ROS1: variants seen among roughly 807,000 people sequenced by gnomAD.
ROS1 encodes the protein ROS proto-oncogene 1, receptor tyrosine kinase.
In ROS1, 263 loss-of-function variants were observed where a neutral mutation model predicts 273.5. That is an observed-to-expected ratio of 0.96 (90% CI 0.87 to 1.06). ROS1 has a LOEUF of 1.06. Ranked by LOEUF, ROS1 falls within the 50% of genes least tolerant of loss-of-function variation. ROS1 has a pLI of 0.00. For missense variants in ROS1, 2,833 were observed against 2,751.1 expected, an observed-to-expected ratio of 1.03 and a Z score of -0.67; for synonymous variants, 1,008 against 954.1, an observed-to-expected ratio of 1.06 and a Z score of -1.04.
intron 6 of ROS1, among the ~76,000 whole-genome samples, chr6:117,403,624 C>T (rs772619262): frequency 2.6e-5 from 4 of 151,808 alleles, no homozygotes; most frequent in African/African-American, 9.7e-5. Flanking sequence ...GACCGTACTT[C>T]TGAATTGCTA....
intron 39 of ROS1, among the ~76,000 whole-genome samples, chr6:117,316,745 T>C (rs761256482): frequency 6.6e-6 from 1 of 152,094 alleles, no homozygotes. Flanking sequence ...TCCAAAAAGA[T>C]ATGTCAACTA....
intron 37 of ROS1, among the ~76,000 whole-genome samples, chr6:117,318,853 A>T (rs1776092022): frequency 6.6e-6 from 1 of 152,122 alleles, no homozygotes; most frequent in Non-Finnish European, 1.5e-5. Context: ...TTTGTCAGCC[A>T]TCTTGGAACA....
intron 41 of ROS1, 21 bp from the exon 42 acceptor site, chr6:117,308,949 G>C (rs1029381394): frequency 5.0e-6 from 8 of 1,607,116 alleles, no homozygotes; most frequent in Non-Finnish European, 6.8e-6. Context: ...TAGAGGGTTT[G>C]CTTTAATTAT....
chr6:117,310,046 T>C (rs1775417242), intron 41 of ROS1, 35 bp downstream of exon 41: 5 of 1,550,090 alleles, frequency 3.2e-6, no homozygotes, highest in Non-Finnish European at 2.7e-6. Context: ...GTTTGATGAT[T>C]CTGTCAGCAT....
At chr6:117,336,522 C>T (rs1439590143) in intron 32 of ROS1, among the ~76,000 whole-genome samples, 3 of 152,134 alleles carry the variant, frequency 2.0e-5, no homozygotes, top group Non-Finnish European at 4.4e-5. Context: ...TTTATGGCTG[C>T]ATAGTATGCC....
rs935049854 is a variant in ROS1 at position 117,414,842 on chromosome 6, G to C, written c.229-297C>G. Among the ~76,000 whole-genome samples, 3 of 152,200 alleles carry C rather than the reference G, an allele frequency of 2.0e-5. No homozygotes were observed. The South Asian group carries it at 6.2e-4, about 31-fold the overall frequency. On this transcript the variant is annotated intron_variant, in intron 3 of 43. Coordinates refer to ENST00000368507, the MANE Select transcript of ROS1 (RefSeq NM_001378902.1). ...GGTGGACCAAGTTAAGAGAGTGAAG[G>C]AGTATTTGCAAATGCCAAAGGTAAA...
chr6:117,361,567 C>A (rs1475327026), intron 22 of ROS1, among the ~76,000 whole-genome samples: 1 of 148,038 alleles, frequency 6.8e-6, no homozygotes, highest in African/African-American at 2.5e-5. Context: ...ATTATATATT[C>A]TATATAAATA....
chr6:117,345,458 C>T (rs1327676539), intron 27 of ROS1, among the ~76,000 whole-genome samples: 3 of 152,192 alleles, frequency 2.0e-5, no homozygotes. Flanking sequence ...CTTCATCTAG[C>T]ACTAGAATGT....
At position 117,389,460 on chromosome 6, in the gene ROS1, G is replaced by A. The variant is rs763487146; in HGVS notation, c.1676C>T (p.Ser559Leu). Residue 559 changes from serine (S) to leucine (L), a missense_variant, in exon 13 of 44, where the codon TCA becomes TTA. By Grantham distance (145) the Ser-to-Leu change is moderately radical (BLOSUM62 -2). Transcript: ENST00000368507. ...FGFGNLVIFGSSSQLHPLPGR... is the reference protein window; with the variant it reads ...FGFGNLVIFGLSSQLHPLPGR... ...TGGCAGAGGGTGCAGCTGGGAGGAT[G>A]AGCCAAAGATGACCAAGTTACCAAA... 13 of 1,614,068 alleles carry A rather than the reference G, an allele frequency of 8.1e-6. No homozygotes were observed. Among genetic ancestry groups the A allele is most frequent in the Non-Finnish European group, 1.1e-5 (13 of 1,180,052 alleles).
intron 29 of ROS1, among the ~76,000 whole-genome samples, chr6:117,341,874 G>T (rs897840612): frequency 3.9e-5 from 6 of 152,126 alleles, no homozygotes; most frequent in South Asian, 2.1e-4. Flanking sequence ...GGCCAACGGG[G>T]AATAACCCAA....
chr6:117,310,320 A>G, intron 40 of ROS1, 39 bp from the exon 41 acceptor site: 1 of 1,413,898 alleles, frequency 7.1e-7, no homozygotes. Flanking sequence ...TAATAATAAC[A>G]ACAATAAAGT....
At chr6:117,401,803 TAAAAAAAAA>T (rs35593860) in intron 7 of ROS1, among the ~76,000 whole-genome samples, 1 of 89,186 alleles carries the variant, frequency 1.1e-5, no homozygotes, top group South Asian at 3.8e-4. Context: ...AACTTTTCAG[TAAAAAAAAA>T]AAAAAAAAAA....
chr6:117,390,203 T>A (rs1410078442), intron 12 of ROS1, among the ~76,000 whole-genome samples: 2 of 152,140 alleles, frequency 1.3e-5, no homozygotes, highest in African/African-American at 4.8e-5. Flanking sequence ...CACAGCTCAC[T>A]GCAGCCTCAA....
chr6:117,395,828 T>C (rs1010920401), intron 9 of ROS1, among the ~76,000 whole-genome samples: 3 of 151,814 alleles, frequency 2.0e-5, no homozygotes, highest in African/African-American at 4.8e-5. Flanking sequence ...AATAATTATA[T>C]ATAATCTAAA....
intron 42 of ROS1, among the ~76,000 whole-genome samples, chr6:117,306,638 G>A (rs531308590): frequency 1.2e-4 from 18 of 152,284 alleles, no homozygotes; most frequent in South Asian, 1.0e-3. Context: ...CAGGTGCTGA[G>A]TATTTAAGCA....
chr6:117,380,193 C>T lies in ROS1; in HGVS notation c.2482-1034G>A, dbSNP rs79372444. Reference sequence around the variant, plus strand: ...GTATAACCAATAGAATTAAAGTTGACGACTACATCTTCAGCAAGATACAGC... The same window carrying T: ...GTATAACCAATAGAATTAAAGTTGATGACTACATCTTCAGCAAGATACAGC... On this transcript the variant is annotated intron_variant, in intron 17 of 43. Coordinates refer to ENST00000368507, the MANE Select transcript of ROS1 (RefSeq NM_001378902.1). Among the ~76,000 whole-genome samples the T allele has an allele frequency of 2.2e-3, 337 of 152,164 alleles. 6 individuals are homozygous for T. The East Asian group carries it at 0.044, about 20-fold the overall frequency.
intron 18 of ROS1, among the ~76,000 whole-genome samples, chr6:117,373,226 G>A (rs6919000): frequency 0.18 from 26,971 of 152,194 alleles, 2,612 homozygotes; most frequent in South Asian, 0.32. Context: ...ATCTGGCTTC[G>A]CCTAGTGGAT....
intron 40 of ROS1, 132 bp downstream of exon 40, chr6:117,310,888 G>C: frequency 1.7e-6 from 1 of 579,812 alleles, no homozygotes; most frequent in Non-Finnish European, 3.0e-6. Flanking sequence ...ATTTATAAGA[G>C]AGACTTTTAA....
At chr6:117,321,041 G>T (rs904264713) in intron 36 of ROS1, among the ~76,000 whole-genome samples, 2 of 151,996 alleles carry the variant, frequency 1.3e-5, no homozygotes, top group African/African-American at 4.8e-5. Context: ...ACAAAATACT[G>T]GAAACTAATG....
Sources: allele counts gnomAD v4.1 joint callset (sites outside exome capture counted in the v4.1 genomes callset), GRCh38; gene constraint gnomAD v4.1.1; transcripts MANE v1.5; gene names NCBI Gene and HGNC (gene_info 2026-07-23, HGNC 2026-07-21).